KCND2: variants seen among roughly 807,000 people sequenced by gnomAD.
KCND2 encodes potassium voltage-gated channel subfamily D member 2.
In KCND2, 16 loss-of-function variants were observed where a neutral mutation model predicts 54.4. The observed-to-expected ratio is 0.29, with a 90% CI of 0.20 to 0.45. The LOEUF (loss-of-function observed/expected upper bound fraction) is 0.45. KCND2 is among the 20% of genes least tolerant of loss of function. The probability of loss-of-function intolerance (pLI) is 1.00; values close to 1 mark genes in which losing one functional copy is unlikely to be tolerated. For synonymous variants in KCND2, 317 were observed against 310.7 expected, an observed-to-expected ratio of 1.02 and a Z score of -0.21; for missense variants, 486 against 824.2, an observed-to-expected ratio of 0.59 and a Z score of 5.02.
At chr7:120,636,595 T>C (rs978269423) in intron 1 of KCND2, among the ~76,000 whole-genome samples, 3 of 152,128 alleles carry the variant, frequency 2.0e-5, no homozygotes, top group Admixed American at 2.0e-4. Context: ...TTCCTCTTAT[T>C]ACCAAGTGAA....
intron 1 of KCND2, among the ~76,000 whole-genome samples, chr7:120,568,013 T>C (rs1792318917): frequency 6.6e-6 from 1 of 152,136 alleles, no homozygotes; most frequent in Admixed American, 6.6e-5. Context: ...TATGTGTGTT[T>C]TTGGTAATAG....
At chr7:120,734,725 T>C (rs1472751725) in intron 2 of KCND2, among the ~76,000 whole-genome samples, 1 of 152,144 alleles carries the variant, frequency 6.6e-6, no homozygotes, top group African/African-American at 2.4e-5. Context: ...TATATCTTTG[T>C]CCTTTAAGGA....
intron 1 of KCND2, among the ~76,000 whole-genome samples, chr7:120,630,453 G>A (rs1793219463): frequency 6.6e-6 from 1 of 152,088 alleles, no homozygotes; most frequent in African/African-American, 2.4e-5. Flanking sequence ...GAAATATCCA[G>A]CTATGTTCAA....
At chr7:120,733,609 A>G (rs1363347718) in intron 2 of KCND2, among the ~76,000 whole-genome samples, 1 of 152,138 alleles carries the variant, frequency 6.6e-6, no homozygotes, top group African/African-American at 2.4e-5. Context: ...GTCTCTATCT[A>G]TCAAGGGTCA....
chr7:120,731,502 G>A lies in KCND2; in HGVS notation c.1116-1401G>A, dbSNP rs141429007. On this transcript the variant is annotated intron_variant, in intron 1 of 5. Coordinates refer to ENST00000331113, the MANE Select transcript of KCND2 (RefSeq NM_012281.3). Reference sequence around the variant, plus strand: ...AGGCCAGTGAGCTTGGTGAAAGGTGGTGTAAAATACAGGCAGGAACTAAAT... The same window carrying A: ...AGGCCAGTGAGCTTGGTGAAAGGTGATGTAAAATACAGGCAGGAACTAAAT... Among the ~76,000 whole-genome samples, 4 of 152,316 alleles carry A rather than the reference G, an allele frequency of 2.6e-5. No individual in the cohort carries two copies. The East Asian group carries it at 7.7e-4, about 29-fold the overall frequency.
intron 1 of KCND2, among the ~76,000 whole-genome samples, chr7:120,538,502 TG>T (rs1178778695): frequency 6.6e-6 from 1 of 152,180 alleles, no homozygotes; most frequent in Non-Finnish European, 1.5e-5. Context: ...ATGGTCATGG[TG>T]GGGCAGGAGG....
chr7:120,333,456 G>A (rs117886806), intron 1 of KCND2, among the ~76,000 whole-genome samples: 1,568 of 152,016 alleles, frequency 0.01, 13 homozygotes, highest in Middle Eastern at 0.027. Context: ...ATATAACATG[G>A]ACAGATTCTA....
intron 1 of KCND2, 97 bp downstream of exon 1, chr7:120,275,844 T>G: frequency 7.4e-7 from 1 of 1,353,808 alleles, no homozygotes; most frequent in Non-Finnish European, 1.0e-6. Flanking sequence ...AAATCATTTG[T>G]TTTCTTTCCT....
At chr7:120,300,274 C>T (rs1584719453) in intron 1 of KCND2, among the ~76,000 whole-genome samples, 1 of 151,962 alleles carries the variant, frequency 6.6e-6, no homozygotes, top group African/African-American at 2.4e-5. Flanking sequence ...GTGTTGTGTC[C>T]AGAAAATACA....
chr7:120,629,289 T>C (rs2116512126), intron 1 of KCND2, among the ~76,000 whole-genome samples: 1 of 152,256 alleles, frequency 6.6e-6, no homozygotes, highest in South Asian at 2.1e-4. Context: ...AGATTGAGAC[T>C]ATGCTTGGTA....
At chr7:120,313,769 A>G (rs1799774068) in intron 1 of KCND2, among the ~76,000 whole-genome samples, 1 of 101,370 alleles carries the variant, frequency 9.9e-6, no homozygotes, top group Non-Finnish European at 2.2e-5. Flanking sequence ...GTAGATTTAA[A>G]GAACAGTATC....
At chr7:120,607,186 G>A (rs1276408177) in intron 1 of KCND2, among the ~76,000 whole-genome samples, 7 of 29,090 alleles carry the variant, frequency 2.4e-4, no homozygotes, top group African/African-American at 5.8e-4. Context: ...TGCAGATTAA[G>A]GTTTGTTTTT....
intron 1 of KCND2, among the ~76,000 whole-genome samples, chr7:120,305,232 T>C (rs534954839): frequency 6.6e-6 from 1 of 152,168 alleles, no homozygotes; most frequent in Non-Finnish European, 1.5e-5. Context: ...ATGAAAATTA[T>C]GAGGCTGTAG....
At chr7:120,374,767 C>CACA (rs1800813702) in intron 1 of KCND2, among the ~76,000 whole-genome samples, 2 of 151,836 alleles carry the variant, frequency 1.3e-5, no homozygotes, top group South Asian at 4.1e-4. Flanking sequence ...CACACTTTGT[C>CACA]CTTTGACATT....
At chr7:120,509,539 A>C (rs1169048444) in intron 1 of KCND2, among the ~76,000 whole-genome samples, 1 of 152,114 alleles carries the variant, frequency 6.6e-6, no homozygotes, top group African/African-American at 2.4e-5. Flanking sequence ...TACTAGCTTC[A>C]CAGAGCTCAA....
chr7:120,706,080 C>T (rs2116048769), intron 1 of KCND2, among the ~76,000 whole-genome samples: 1 of 152,064 alleles, frequency 6.6e-6, no homozygotes, highest in African/African-American at 2.4e-5. Context: ...GTAGGAAGAC[C>T]CTGGGATGAA....
intron 1 of KCND2, among the ~76,000 whole-genome samples, chr7:120,368,861 G>A (rs1800723428): frequency 6.6e-6 from 1 of 152,102 alleles, no homozygotes; most frequent in Non-Finnish European, 1.5e-5. Context: ...ATATGGCAGT[G>A]AGGAGAAGTT....
At chr7:120,661,092 A>G in intron 1 of KCND2, among the ~76,000 whole-genome samples, 1 of 152,282 alleles carries the variant, frequency 6.6e-6, no homozygotes, top group East Asian at 1.9e-4. Context: ...ATCATACCCA[A>G]TAGGGTTGAT....
intron 1 of KCND2, among the ~76,000 whole-genome samples, chr7:120,599,724 A>C (rs1792791077): frequency 6.6e-6 from 1 of 151,888 alleles, no homozygotes; most frequent in Non-Finnish European, 1.5e-5. Context: ...ACATTTTTCT[A>C]TGTAGAAAAT....
Sources: allele counts gnomAD v4.1 joint callset (sites outside exome capture counted in the v4.1 genomes callset), GRCh38; gene constraint gnomAD v4.1.1; transcripts MANE v1.5; gene names NCBI Gene and HGNC (gene_info 2026-07-23, HGNC 2026-07-21).